The following MIS18A variants were observed in gnomAD, a reference collection of about 807,000 sequenced individuals.
The protein encoded by MIS18A is MIS18 kinetochore protein A.
In MIS18A, 14 loss-of-function variants were observed where a neutral mutation model predicts 25.0. That is an observed-to-expected ratio of 0.56 (90% CI 0.37 to 0.88). The LOEUF (loss-of-function observed/expected upper bound fraction) is 0.88, where lower values mean the gene tolerates loss of function less well. MIS18A is among the 40% of genes least tolerant of loss of function. The pLI, the probability that MIS18A is intolerant of heterozygous loss-of-function variation, is 0.00. For synonymous variants in MIS18A, 134 were observed against 118.6 expected, an observed-to-expected ratio of 1.13 and a Z score of -0.84; for missense variants, 292 against 290.8, an observed-to-expected ratio of 1.00 and a Z score of -0.03.
chr21:32,265,308 G>A (rs559857756), downstream of MIS18A, among the ~76,000 whole-genome samples: 68 of 152,210 alleles, frequency 4.5e-4, no homozygotes, highest in African/African-American at 1.5e-3. Context: ...GCCCACTCCC[G>A]CAGCTTGCAG....
At chr21:32,256,728 G>T in the MIS18A span, among the ~76,000 whole-genome samples, 1 of 152,112 alleles carries the variant, frequency 6.6e-6, no homozygotes, top group South Asian at 2.1e-4. Context: ...TGACAAAAAT[G>T]ATCTCTTGTT....
the MIS18A span, among the ~76,000 whole-genome samples, chr21:32,168,747 C>T: frequency 6.6e-6 from 1 of 152,004 alleles, no homozygotes; most frequent in African/African-American, 2.4e-5. Flanking sequence ...ATGCATGTAA[C>T]TAATAAGCTA....
At chr21:32,194,603 G>A in the MIS18A span, among the ~76,000 whole-genome samples, 3 of 151,906 alleles carry the variant, frequency 2.0e-5, no homozygotes, top group Non-Finnish European at 4.4e-5. Flanking sequence ...AGGTTTCGGT[G>A]AGCCAAGATC....
At chr21:32,184,011 G>A in the MIS18A span, among the ~76,000 whole-genome samples, 1 of 152,158 alleles carries the variant, frequency 6.6e-6, no homozygotes, top group Non-Finnish European at 1.5e-5. Flanking sequence ...TTATATATGA[G>A]TCTCAGGGAT....
At chr21:32,215,303 A>G in the MIS18A span, among the ~76,000 whole-genome samples, 2 of 152,088 alleles carry the variant, frequency 1.3e-5, no homozygotes, top group African/African-American at 4.8e-5. Flanking sequence ...TCTGAGCCAA[A>G]TTGTTTTTCC....
the MIS18A span, among the ~76,000 whole-genome samples, chr21:32,189,053 A>G: frequency 1.3e-5 from 2 of 152,214 alleles, no homozygotes; most frequent in Non-Finnish European, 2.9e-5. Flanking sequence ...AATACAACCC[A>G]CAGTGGCATT....
the MIS18A span, among the ~76,000 whole-genome samples, chr21:32,231,871 C>T: frequency 1.3e-5 from 2 of 152,084 alleles, no homozygotes; most frequent in Admixed American, 1.3e-4. Context: ...CAAGATTGCG[C>T]CACTGCACTC....
chr21:32,171,223 T>C, the MIS18A span, among the ~76,000 whole-genome samples: 1 of 152,008 alleles, frequency 6.6e-6, no homozygotes, highest in Admixed American at 6.5e-5. Context: ...TGATCTTCTG[T>C]ATAAAAAGAT....
chr21:32,258,942 C>G, the MIS18A span, among the ~76,000 whole-genome samples: 26 of 151,868 alleles, frequency 1.7e-4, no homozygotes, highest in Non-Finnish European at 4.4e-5. Flanking sequence ...GGTAAGATAA[C>G]AGCTCACTGC....
chr21:32,183,917 G>A, the MIS18A span, among the ~76,000 whole-genome samples: 1 of 152,214 alleles, frequency 6.6e-6, no homozygotes, highest in Non-Finnish European at 1.5e-5. Flanking sequence ...GACTTGGGCA[G>A]CACACACACG....
At chr21:32,160,285 A>AACACACAC in the MIS18A span, among the ~76,000 whole-genome samples, 630 of 145,714 alleles carry the variant, frequency 4.3e-3, 4 homozygotes, top group Middle Eastern at 0.014. Context: ...ACACCTCTGC[A>AACACACAC]ACACACACAC....
the MIS18A span, among the ~76,000 whole-genome samples, chr21:32,198,605 A>G: frequency 4.1e-4 from 62 of 152,288 alleles, no homozygotes; most frequent in South Asian, 4.6e-3. Flanking sequence ...GCTCCAGAGG[A>G]GCCCAGCAGG....
At chr21:32,270,649 G>T (rs746629641) in intron 2 of MIS18A, 120 bp from the exon 3 acceptor site, 21 of 1,048,554 alleles carry the variant, frequency 2.0e-5, no homozygotes, top group Non-Finnish European at 2.6e-5. Flanking sequence ...ACCACACTAG[G>T]TCATACATAA....
chr21:32,207,320 AAAG>A, the MIS18A span, among the ~76,000 whole-genome samples: 2 of 152,362 alleles, frequency 1.3e-5, no homozygotes, highest in South Asian at 4.1e-4. Flanking sequence ...AAAGTCCTGA[AAAG>A]AAGGATGAGG....
At chr21:32,276,385 C>T (rs1361585936) in intron 1 of MIS18A, among the ~76,000 whole-genome samples, 1 of 139,140 alleles carries the variant, frequency 7.2e-6, no homozygotes, top group Non-Finnish European at 1.5e-5. Flanking sequence ...AGCGTGAACC[C>T]GGGAGGTGGA....
At chr21:32,235,599 A>G in the MIS18A span, among the ~76,000 whole-genome samples, 1 of 152,340 alleles carries the variant, frequency 6.6e-6, no homozygotes, top group South Asian at 2.1e-4. Context: ...AAAAATACGA[A>G]CAAATGGGAG....
At chr21:32,157,241 GGTA>G in the MIS18A span, among the ~76,000 whole-genome samples, 7 of 104,970 alleles carry the variant, frequency 6.7e-5, no homozygotes, top group Admixed American at 1.2e-4. Context: ...TTTTTTTTTT[GGTA>G]GTTTTAGTAG....
chr21:32,272,585 G>A (rs1266610939), intron 2 of MIS18A, among the ~76,000 whole-genome samples: 2 of 152,198 alleles, frequency 1.3e-5, no homozygotes, highest in Non-Finnish European at 2.9e-5. Flanking sequence ...AATAGTAACA[G>A]AACAGACCTC....
At chr21:32,241,060 A>G in the MIS18A span, among the ~76,000 whole-genome samples, 4 of 152,344 alleles carry the variant, frequency 2.6e-5, no homozygotes, top group East Asian at 7.7e-4. Context: ...TCAAGTTCAC[A>G]TTTAAATGTT....
Sources: gnomAD v4.1 joint callset for allele counts (sites outside exome capture counted in the v4.1 genomes callset) on GRCh38, gnomAD v4.1.1 for gene constraint, MANE v1.5 for transcripts, NCBI Gene and HGNC (gene_info 2026-07-23, HGNC 2026-07-21) for gene names.